Variants in ABCB5 observed in about 807,000 individuals in gnomAD.
The protein encoded by ABCB5 is ATP-binding cassette sub-family B member 5.
Under a neutral mutation model 144.2 loss-of-function variants are expected in ABCB5, and 155 were observed. The observed-to-expected ratio is 1.08, with a 90% confidence interval of 0.94 to 1.23. ABCB5 has a LOEUF of 1.23. ABCB5 is among the 50% of genes most tolerant of loss of function. The probability of loss-of-function intolerance (pLI) is 0.00; values close to 1 mark genes in which losing one functional copy is unlikely to be tolerated. For missense variants in ABCB5, 1,830 were observed against 1,520.8 expected (o/e 1.20, Z -3.38); for synonymous variants, 610 against 528.6 (o/e 1.15, Z -2.11).
chr7:20,635,980 A>G (rs58241579), intron 5 of ABCB5, among the ~76,000 whole-genome samples: 1,922 of 152,306 alleles, frequency 0.013, 38 homozygotes, highest in African/African-American at 0.043. Flanking sequence ...ATCACATGTC[A>G]AGCATTAATA....
intron 23 of ABCB5, 33 bp downstream of exon 23, chr7:20,728,488 T>C: frequency 6.2e-7 from 1 of 1,607,866 alleles, no homozygotes; most frequent in Non-Finnish European, 8.5e-7. Flanking sequence ...ACCTGGTAGC[T>C]CACACCTGTA....
intron 20 of ABCB5, among the ~76,000 whole-genome samples, chr7:20,710,107 C>A (rs1786974830): frequency 6.8e-6 from 1 of 147,508 alleles, no homozygotes; most frequent in African/African-American, 2.5e-5. Context: ...GTGGCTCACG[C>A]CTGTAATCCC....
intron 23 of ABCB5, among the ~76,000 whole-genome samples, chr7:20,731,849 C>A (rs1053487589): frequency 2.0e-5 from 3 of 152,152 alleles, no homozygotes; most frequent in African/African-American, 7.2e-5. Context: ...CTCATCCAAG[C>A]CCCTCCCTGT....
chr7:20,621,278 G>A (rs1225352125), intron 1 of ABCB5, among the ~76,000 whole-genome samples: 4 of 152,084 alleles, frequency 2.6e-5, no homozygotes, highest in Non-Finnish European at 4.4e-5. Context: ...ATTTCAGTTT[G>A]TGATGATGAA....
At chr7:20,662,501 A>G (rs1785033847) in intron 14 of ABCB5, among the ~76,000 whole-genome samples, 1 of 152,212 alleles carries the variant, frequency 6.6e-6, no homozygotes, top group Non-Finnish European at 1.5e-5. Flanking sequence ...ACTAATGCAC[A>G]CACATTTTGA....
At chr7:20,706,557 A>G (rs1436361525) in intron 20 of ABCB5, among the ~76,000 whole-genome samples, 1 of 152,228 alleles carries the variant, frequency 6.6e-6, no homozygotes. Flanking sequence ...ATATCATTTC[A>G]TCACTTGAAA....
At chr7:20,628,656 G>A (rs918529160) in intron 3 of ABCB5, 32 bp from the exon 4 acceptor site, 4 of 1,599,734 alleles carry the variant, frequency 2.5e-6, no homozygotes, top group Non-Finnish European at 3.4e-6. Context: ...TTGTTTTACA[G>A]TTGTGGTGCT....
intron 26 of ABCB5, among the ~76,000 whole-genome samples, chr7:20,749,798 G>GATCA (rs1782860872): frequency 1.3e-5 from 2 of 152,142 alleles, no homozygotes; most frequent in Non-Finnish European, 2.9e-5. Flanking sequence ...ATTAAGAGGT[G>GATCA]ATCTGAGTAT....
chr7:20,623,645 A>G (rs1201147406), intron 2 of ABCB5, among the ~76,000 whole-genome samples: 2 of 152,300 alleles, frequency 1.3e-5, no homozygotes, highest in East Asian at 3.9e-4. Context: ...GGCACCTGCA[A>G]ATTTTAATTT....
intron 23 of ABCB5, 125 bp downstream of exon 23, chr7:20,728,580 C>G: frequency 9.0e-7 from 1 of 1,110,590 alleles, no homozygotes; most frequent in Non-Finnish European, 1.2e-6. Flanking sequence ...ATAATAAAAC[C>G]CCATCTCTAC....
chr7:20,621,431 C>A (rs1048851423), intron 1 of ABCB5, among the ~76,000 whole-genome samples: 2 of 152,062 alleles, frequency 1.3e-5, no homozygotes, highest in African/African-American at 4.8e-5. Flanking sequence ...AAAAGTTCTG[C>A]ATTTTTAATC....
chr7:20,702,309 A>AT (rs754984966), intron 19 of ABCB5, among the ~76,000 whole-genome samples: 58 of 152,244 alleles, frequency 3.8e-4, no homozygotes, highest in African/African-American at 1.1e-3. Flanking sequence ...TCTAAATTAG[A>AT]TTGGCTAAGG....
chr7:20,689,675 G>GA (rs113463772), intron 16 of ABCB5, among the ~76,000 whole-genome samples: 4 of 151,750 alleles, frequency 2.6e-5, no homozygotes, highest in African/African-American at 7.3e-5. Flanking sequence ...GAACAGAGGA[G>GA]AAAAAAAACC....
At chr7:20,685,951 A>C in intron 16 of ABCB5, 115 bp downstream of exon 16, 105 of 1,112,622 alleles carry the variant, frequency 9.4e-5, no homozygotes, top group Non-Finnish European at 1.2e-4. Context: ...CACTAAGCTC[A>C]CAAAACATGT....
At chr7:20,706,694 A>G (rs759504646) in intron 20 of ABCB5, among the ~76,000 whole-genome samples, 2 of 152,190 alleles carry the variant, frequency 1.3e-5, no homozygotes, top group African/African-American at 4.8e-5. Context: ...AAAGTTGCCA[A>G]ATTTAAAAAG....
In ABCB5 at chr7:20,685,693, A is replaced by T. The variant is rs1785969205; in HGVS notation, c.1870-3A>T. 1.3e-6 allele frequency: 2 copies of T among 1,597,642 alleles called. No individual in the cohort carries two copies. Among genetic ancestry groups the T allele is most frequent in the African/African-American group, 2.7e-5 (2 of 73,992 alleles). ...ATGATAACCTATATATTCTTCCTGT[A>T]AGGATATTAAAAAAGCTGATGAACA... On this transcript the variant is annotated splice_region_variant and splice_polypyrimidine_tract_variant and intron_variant, in intron 15 of 27. Transcript: ENST00000404938.
At chr7:20,656,728 T>A (rs570057380) in intron 13 of ABCB5, among the ~76,000 whole-genome samples, 1 of 152,260 alleles carries the variant, frequency 6.6e-6, no homozygotes, top group Non-Finnish European at 1.5e-5. Context: ...CATACACTTA[T>A]GACTCAGCAT....
chr7:20,679,643 C>T (rs1379325187), intron 14 of ABCB5, among the ~76,000 whole-genome samples: 1 of 151,778 alleles, frequency 6.6e-6, no homozygotes, highest in African/African-American at 2.4e-5. Context: ...AAAATGTGGA[C>T]AATTCACAAG....
intron 25 of ABCB5, among the ~76,000 whole-genome samples, chr7:20,744,671 G>A (rs988629991): frequency 6.6e-6 from 1 of 151,930 alleles, no homozygotes; most frequent in East Asian, 1.9e-4. Context: ...TAAACCATGA[G>A]TTAATGGGTG....
Sources: allele counts gnomAD v4.1 joint callset (sites outside exome capture counted in the v4.1 genomes callset), GRCh38; gene constraint gnomAD v4.1.1; transcripts MANE v1.5; gene names NCBI Gene and HGNC (gene_info 2026-07-23, HGNC 2026-07-21).